Variants in VWDE observed in about 807,000 individuals in gnomAD.
The protein encoded by VWDE is von Willebrand factor D and EGF domains.
A neutral mutation model predicts 178.4 loss-of-function variants in VWDE; 207 were observed. The observed-to-expected ratio is 1.16, with a 90% CI of 1.04 to 1.30. VWDE has a LOEUF of 1.30. VWDE is among the 50% of genes most tolerant of loss of function. The probability of loss-of-function intolerance (pLI) is 0.00; values close to 1 mark genes in which losing one functional copy is unlikely to be tolerated. For missense variants in VWDE, 2,287 were observed against 1,901.3 expected, an observed-to-expected ratio of 1.20 and a Z score of -3.77; for synonymous variants, 738 against 651.4, an observed-to-expected ratio of 1.13 and a Z score of -2.02.
chr7:12,333,121 T>C (rs1780820374), intron 28 of VWDE, among the ~76,000 whole-genome samples: 2 of 152,116 alleles, frequency 1.3e-5, no homozygotes, highest in Admixed American at 6.5e-5. Context: ...AGAAATAAGA[T>C]CACAGAAACT....
rs369847775 is a variant in VWDE at position 12,351,529 on chromosome 7, G to A, written c.3886+44C>T. ...TGTTGGTCTTCTAGAAAACAAGTAAGAGGAATTACTTGTCATTAGATTTTA... is the reference window on the plus strand; with the variant it reads ...TGTTGGTCTTCTAGAAAACAAGTAAAAGGAATTACTTGTCATTAGATTTTA... On this transcript the variant is annotated intron_variant, in intron 19 of 28. Coordinates refer to ENST00000275358, the MANE Select transcript of VWDE (RefSeq NM_001135924.3). The A allele has an allele frequency of 4.9e-5, 73 of 1,498,438 alleles. No homozygotes were observed. The African/African-American group carries it at 8.7e-4, about 18-fold the overall frequency. 92.8% of individuals were successfully genotyped at this position (1,498,438 alleles called of 1,614,324 possible). A position where few individuals can be genotyped will look rare whatever the true frequency, so the allele number is the denominator to read the frequency against.
intron 18 of VWDE, chr7:12,354,200 A>G (rs1583294069): frequency 3.6e-6 from 1 of 277,014 alleles, no homozygotes; most frequent in East Asian, 1.1e-4. Context: ...CATGTCTTAT[A>G]TATTTTTGCA....
Position 12,391,330 on chromosome 7 carries a change from G to GA in VWDE, c.244-1973dup, listed in dbSNP as rs1005024424. ...AAGTCCACGTGTATTAACCTGTAGAGAAAAAAAATCTATTGATTTTCTGGT... is the reference window on the plus strand; with the variant it reads ...AAGTCCACGTGTATTAACCTGTAGAGAAAAAAAAATCTATTGATTTTCTGGT... On this transcript the variant is annotated intron_variant, in intron 2 of 28. Transcript: ENST00000275358. Among the ~76,000 whole-genome samples the GA allele has an allele frequency of 2.6e-5, 4 of 151,986 alleles. No individual in the cohort carries two copies. The East Asian group carries it at 5.8e-4, about 22-fold the overall frequency.
intron 13 of VWDE, among the ~76,000 whole-genome samples, chr7:12,362,356 T>C (rs1471047592): frequency 6.6e-6 from 1 of 152,074 alleles, no homozygotes; most frequent in Non-Finnish European, 1.5e-5. Flanking sequence ...TATACTATCC[T>C]CATAATAAAT....
Position 12,389,201 on chromosome 7 carries a change from G to T in VWDE, c.401C>A (p.Ser134Tyr), listed in dbSNP as rs1367450775. ...KDCCLFQIPV[S>Y]VRNCGNFSVY... ...AGAAAAGTTCCCACAGTTTCTTACAGACACTGGGATTTGAAAGAGACAGCA... is the reference window on the plus strand; with the variant it reads ...AGAAAAGTTCCCACAGTTTCTTACATACACTGGGATTTGAAAGAGACAGCA... Residue 134 changes from serine to tyrosine, a missense_variant, in exon 3 of 29, where the codon TCT (serine) becomes TAT (tyrosine). Coordinates refer to ENST00000275358, the MANE Select transcript of VWDE (RefSeq NM_001135924.3). 2 of 1,551,728 alleles carry T rather than the reference G, an allele frequency of 1.3e-6. No homozygotes were observed. The highest frequency in any genetic ancestry group is 1.7e-6 in the Non-Finnish European group (2 of 1,147,048).
At chr7:12,371,930 T>A (rs548555109) in intron 10 of VWDE, among the ~76,000 whole-genome samples, 13 of 151,724 alleles carry the variant, frequency 8.6e-5, no homozygotes, top group South Asian at 4.2e-4. Flanking sequence ...CCTTAACTAT[T>A]TTTTTTTACA....
chr7:12,348,379 G>GA (rs1781732835), intron 19 of VWDE, among the ~76,000 whole-genome samples: 1 of 144,098 alleles, frequency 6.9e-6, no homozygotes, highest in Non-Finnish European at 1.5e-5. Flanking sequence ...AAATTTACAA[G>GA]AAAAAAACAA....
At chr7:12,397,899 G>C (rs1784702749) in intron 1 of VWDE, among the ~76,000 whole-genome samples, 1 of 152,062 alleles carries the variant, frequency 6.6e-6, no homozygotes, top group African/African-American at 2.4e-5. Context: ...TTATTAAAAA[G>C]TCAAAAAACA....
chr7:12,397,372 G>A (rs191088188), intron 1 of VWDE, among the ~76,000 whole-genome samples: 1 of 152,310 alleles, frequency 6.6e-6, no homozygotes, highest in African/African-American at 2.4e-5. Context: ...GCCATAGGCA[G>A]AAGAATGAAA....
At chr7:12,362,220 TAC>T (rs61071248) in intron 13 of VWDE, among the ~76,000 whole-genome samples, 81,644 of 149,146 alleles carry the variant, frequency 0.55, 22,900 homozygotes, top group East Asian at 0.72. Flanking sequence ...GAGACAAACA[TAC>T]ACACACACAC....
At chr7:12,381,069 G>C (rs1425853088) in intron 4 of VWDE, among the ~76,000 whole-genome samples, 1 of 152,236 alleles carries the variant, frequency 6.6e-6, no homozygotes, top group South Asian at 2.1e-4. Flanking sequence ...TTAAGGTTTA[G>C]TACATTATAA....
Position 12,361,438 on chromosome 7 carries a change from C to T in VWDE, c.2982G>A (p.Leu994=). ...FHNSRAVDCQ[L]PTDVQQFDTM... ...TATCAAACTGCTGAACATCAGTGGG[C>T]AGCTGACAATCAACAGCTCTGCTAT... The change falls in exon 14 of 29, where the codon CTG becomes CTA. Residue 994 remains leucine (L), a synonymous_variant. Coordinates refer to ENST00000275358, the MANE Select transcript of VWDE (RefSeq NM_001135924.3). 1 of 1,551,222 alleles carries T rather than the reference C, an allele frequency of 6.4e-7. No homozygotes were observed. Among genetic ancestry groups the T allele is most frequent in the Non-Finnish European group, 8.7e-7 (1 of 1,146,674 alleles).
chr7:12,389,479 T>C lies in VWDE; in HGVS notation c.244-121A>G, dbSNP rs1023785652. On this transcript the variant is annotated intron_variant, in intron 2 of 28. Coordinates refer to ENST00000275358, the MANE Select transcript of VWDE (RefSeq NM_001135924.3). ...ATATCATTAATCATTAAAAAAATTATGGCTTGTACCTGTTCTATACAAGGA... is the reference window on the plus strand; with the variant it reads ...ATATCATTAATCATTAAAAAAATTACGGCTTGTACCTGTTCTATACAAGGA... 6 of 727,826 alleles carry C rather than the reference T, an allele frequency of 8.2e-6. 1 individual carries two copies. Among genetic ancestry groups the C allele is most frequent in the Admixed American group, 5.8e-5 (2 of 34,470 alleles). 45.1% of individuals were successfully genotyped at this position (727,826 alleles called of 1,614,324 possible).
chr7:12,380,172 A>C (rs927303415), intron 5 of VWDE, among the ~76,000 whole-genome samples: 3 of 151,728 alleles, frequency 2.0e-5, no homozygotes, highest in Non-Finnish European at 4.4e-5. Flanking sequence ...TTCTAGAATA[A>C]ACGTATATAA....
chr7:12,348,081 G>A (rs1246771806), intron 19 of VWDE, among the ~76,000 whole-genome samples: 3 of 152,088 alleles, frequency 2.0e-5, no homozygotes, highest in African/African-American at 7.3e-5. Flanking sequence ...ATTCAAGATG[G>A]ATTGAAGACT....
In VWDE at chr7:12,336,177, A is replaced by G. The variant is rs1055336682; in HGVS notation, c.4618T>C (p.Cys1540Arg). The change falls in exon 27 of 29, where the codon TGT becomes CGT. Residue 1540 changes from cysteine (C) to arginine (R), a missense_variant. Physicochemically the swap from Cys to Arg is radical, Grantham distance 180. Coordinates refer to ENST00000275358, the MANE Select transcript of VWDE (RefSeq NM_001135924.3). ...CGCACTCCTTCCCAGGAGGAAGGACAATGGCATATGCTGGGCGCAATGCAT... is the reference window on the plus strand; with the variant it reads ...CGCACTCCTTCCCAGGAGGAAGGACGATGGCATATGCTGGGCGCAATGCAT... ...GECIAPSICH[C>R]PSSWEGVRCQ... The G allele has an allele frequency of 5.2e-6, 8 of 1,551,332 alleles. No individual in the cohort carries two copies. The African/African-American group carries it at 9.6e-5, about 19-fold the overall frequency.
intron 28 of VWDE, 71 bp downstream of exon 28, chr7:12,333,394 C>A (rs779611308): frequency 3.3e-5 from 28 of 858,120 alleles, no homozygotes; most frequent in Non-Finnish European, 4.8e-5. Context: ...TAATTAGTAA[C>A]AATTACTAAG....
At chr7:12,398,795 GA>G (rs113696257) in intron 1 of VWDE, among the ~76,000 whole-genome samples, 4,544 of 152,164 alleles carry the variant, frequency 0.03, 232 homozygotes, top group African/African-American at 0.1. Context: ...TGCAGAAACA[GA>G]AAACCAAATA....
Position 12,370,880 on chromosome 7 carries a change from A to G in VWDE, c.1588-16T>C, listed in dbSNP as rs912622413. On this transcript the variant is annotated splice_polypyrimidine_tract_variant and intron_variant, in intron 10 of 28. Coordinates refer to ENST00000275358, the MANE Select transcript of VWDE (RefSeq NM_001135924.3). ...AAAACCAGATCTGAAAAACAGAAAT[A>G]AATACAGAAATAAAAGATGTTGAAG... The G allele has an allele frequency of 6.7e-7, 1 of 1,490,272 alleles. No individual in the cohort carries two copies. Among genetic ancestry groups the G allele is most frequent in the Non-Finnish European group, 8.9e-7 (1 of 1,119,384 alleles). 92.3% of individuals were successfully genotyped at this position (1,490,272 alleles called of 1,614,324 possible). A position where few individuals can be genotyped will look rare whatever the true frequency, so the allele number is the denominator to read the frequency against.
Sources: allele counts gnomAD v4.1 joint callset (sites outside exome capture counted in the v4.1 genomes callset), GRCh38; gene constraint gnomAD v4.1.1; transcripts MANE v1.5; gene names NCBI Gene and HGNC (gene_info 2026-07-23, HGNC 2026-07-21).